The following THRB variants were observed in gnomAD, a reference collection of about 807,000 sequenced individuals.
THRB encodes nuclear receptor subfamily 1 group A member 2.
A neutral mutation model predicts 47.8 loss-of-function variants in THRB; 12 were observed. That is an observed-to-expected ratio of 0.25 (90% confidence interval 0.16 to 0.41). The LOEUF is 0.41. Ranked by LOEUF, THRB falls within the 10% of genes least tolerant of loss-of-function variation. The pLI is 1.00. For synonymous variants in THRB, 218 were observed against 212.2 expected (o/e 1.03, Z -0.24); for missense variants, 348 against 589.2 (o/e 0.59, Z 4.24).
intron 1 of THRB, among the ~76,000 whole-genome samples, chr3:24,490,580 G>A (rs1370244894): frequency 6.6e-6 from 1 of 152,132 alleles, no homozygotes; most frequent in Admixed American, 6.5e-5. Flanking sequence ...AACAGAAATG[G>A]AAACAAACTG....
At chr3:24,433,819 A>C (rs948236595) in intron 1 of THRB, among the ~76,000 whole-genome samples, 5 of 152,148 alleles carry the variant, frequency 3.3e-5, no homozygotes, top group East Asian at 1.9e-4. Context: ...AGGTGTTTTG[A>C]TACTCCATGT....
chr3:24,231,111 A>G (rs1286078257), intron 3 of THRB, among the ~76,000 whole-genome samples: 1 of 152,202 alleles, frequency 6.6e-6, no homozygotes, highest in Non-Finnish European at 1.5e-5. Context: ...TGCCCTCAGT[A>G]AAATATTACC....
intron 3 of THRB, among the ~76,000 whole-genome samples, chr3:24,252,774 AAG>A (rs1421168942): frequency 6.6e-6 from 1 of 152,170 alleles, no homozygotes; most frequent in Non-Finnish European, 1.5e-5. Context: ...AATAATCTTT[AAG>A]AAATATGGTT....
chr3:24,278,486 A>T (rs932231454), intron 3 of THRB, among the ~76,000 whole-genome samples: 1 of 152,204 alleles, frequency 6.6e-6, no homozygotes, highest in Non-Finnish European at 1.5e-5. Flanking sequence ...CATCTCCAGG[A>T]AAAACCTATT....
intron 4 of THRB, among the ~76,000 whole-genome samples, chr3:24,203,610 C>T (rs2044869521): frequency 6.6e-6 from 1 of 152,148 alleles, no homozygotes; most frequent in South Asian, 2.1e-4. Context: ...TTCTGCATTT[C>T]CAACTGAGGT....
At chr3:24,196,607 G>C (rs2043983300) in intron 4 of THRB, among the ~76,000 whole-genome samples, 1 of 151,864 alleles carries the variant, frequency 6.6e-6, no homozygotes, top group Non-Finnish European at 1.5e-5. Flanking sequence ...CCAAAAAAAA[G>C]AATTTCATAA....
rs560897157 is a variant in THRB at position 24,343,686 on chromosome 3, TG to T, written c.-260-6316del. ...ATCAATTGCAATCTTTCTTTACTAC[TG>T]AATCCAACCACAATCTCCAAATCCT... On this transcript the variant is annotated intron_variant, in intron 1 of 10. Transcript: ENST00000646209. Among the ~76,000 whole-genome samples, 737 of 152,152 alleles carry T rather than the reference TG, an allele frequency of 4.8e-3. 5 individuals are homozygous for T. The highest frequency in any genetic ancestry group is 5.6e-3 in the Admixed American group (85 of 15,264).
chr3:24,318,215 T>A (rs1349925919), intron 2 of THRB: 2 of 152,218 alleles, frequency 1.3e-5, no homozygotes, highest in African/African-American at 4.8e-5. Context: ...GGGTTGAAAT[T>A]CTGCAAAATA....
chr3:24,467,600 T>C (rs2074255569), intron 1 of THRB, among the ~76,000 whole-genome samples: 1 of 152,212 alleles, frequency 6.6e-6, no homozygotes, highest in South Asian at 2.1e-4. Flanking sequence ...ATTAATCTCT[T>C]TGTGAATCTT....
At chr3:24,236,815 G>C (rs746581291) in intron 3 of THRB, among the ~76,000 whole-genome samples, 1 of 152,148 alleles carries the variant, frequency 6.6e-6, no homozygotes, top group Non-Finnish European at 1.5e-5. Context: ...CCTGAGTGCA[G>C]CCCCAGTTAT....
At chr3:24,168,873 G>A (rs192727028) in intron 5 of THRB, among the ~76,000 whole-genome samples, 35 of 151,894 alleles carry the variant, frequency 2.3e-4, no homozygotes, top group Admixed American at 4.6e-4. Flanking sequence ...ACTTGGCATG[G>A]GGACACAGGA....
intron 7 of THRB, chr3:24,144,215 A>G (rs1195366247): frequency 1.1e-5 from 2 of 179,998 alleles, no homozygotes; most frequent in African/African-American, 2.4e-5. Context: ...CCTTTTTTTA[A>G]GAGGAAAAAG....
At chr3:24,353,820 C>T (rs1281679750) in intron 1 of THRB, among the ~76,000 whole-genome samples, 1 of 151,992 alleles carries the variant, frequency 6.6e-6, no homozygotes, top group African/African-American at 2.4e-5. Flanking sequence ...TTTAATAAAG[C>T]ACATATGCAT....
intron 3 of THRB, among the ~76,000 whole-genome samples, chr3:24,232,020 G>C (rs1364663739): frequency 1.3e-5 from 2 of 152,186 alleles, no homozygotes; most frequent in Admixed American, 6.5e-5. Context: ...TAGCATCTGT[G>C]TGTCATTCAT....
chr3:24,133,695 AAGAGAGAGAG>A (rs10652016), intron 8 of THRB, among the ~76,000 whole-genome samples: 4 of 150,262 alleles, frequency 2.7e-5, no homozygotes, highest in South Asian at 2.1e-4. Context: ...TTGCTGCAGA[AAGAGAGAGAG>A]AGAGAGAGAG....
chr3:24,323,958 T>A (rs1576839170), intron 2 of THRB, among the ~76,000 whole-genome samples: 1 of 152,220 alleles, frequency 6.6e-6, no homozygotes, highest in East Asian at 1.9e-4. Context: ...TAAACCACCA[T>A]AATGTGCTAC....
At chr3:24,420,930 A>G (rs551869369) in intron 1 of THRB, among the ~76,000 whole-genome samples, 4 of 152,126 alleles carry the variant, frequency 2.6e-5, no homozygotes, top group Admixed American at 1.3e-4. Context: ...TCACAATAGC[A>G]AAGACATGAA....
chr3:24,352,601 G>A lies in THRB; in HGVS notation c.-260-15230C>T, dbSNP rs183489782. 2.0e-5 allele frequency among the ~76,000 whole-genome samples: 3 copies of A among 152,264 alleles called. No homozygotes were observed. The East Asian group carries it at 5.8e-4, about 29-fold the overall frequency. On this transcript the variant is annotated intron_variant, in intron 1 of 10. Coordinates refer to ENST00000646209, the MANE Select transcript of THRB (RefSeq NM_001354712.2). Reference sequence around the variant, plus strand: ...CTGCAAATTTCAAACCGGGGTGGTTGGTTTTAAAAGGTCTTTGCGCAGCCA... The same window carrying A: ...CTGCAAATTTCAAACCGGGGTGGTTAGTTTTAAAAGGTCTTTGCGCAGCCA...
chr3:24,280,862 T>C (rs1198808807), intron 3 of THRB, among the ~76,000 whole-genome samples: 1 of 151,872 alleles, frequency 6.6e-6, no homozygotes, highest in Non-Finnish European at 1.5e-5. Context: ...ATGAATGAAA[T>C]GAAGCGAGAA....
Sources: allele counts gnomAD v4.1 joint callset (sites outside exome capture counted in the v4.1 genomes callset), GRCh38; gene constraint gnomAD v4.1.1; transcripts MANE v1.5; gene names NCBI Gene and HGNC (gene_info 2026-07-23, HGNC 2026-07-21).